Variants in FAM13C observed in about 807,000 individuals in gnomAD.
FAM13C encodes the protein protein FAM13C.
FAM13C carries 37 observed loss-of-function variants against 73.2 expected under a neutral mutation model. The ratio of observed to expected loss-of-function variants is 0.51; its 90% CI spans 0.39 to 0.67. The LOEUF (loss-of-function observed/expected upper bound fraction) is 0.67. Among genes scored for constraint, FAM13C ranks in the 30% least tolerant of loss-of-function variants. FAM13C has a pLI of 0.00. For missense variants in FAM13C, 589 were observed against 715.6 expected, an observed-to-expected ratio of 0.82 and a Z score of 2.02; for synonymous variants, 246 against 260.9, an observed-to-expected ratio of 0.94 and a Z score of 0.55.
chr10:59,260,218 A>G (rs1842363941), intron 10 of FAM13C, among the ~76,000 whole-genome samples: 1 of 151,912 alleles, frequency 6.6e-6, no homozygotes, highest in South Asian at 2.1e-4. Flanking sequence ...TCCCCTTTTC[A>G]TTCTTTTCCC....
intron 4 of FAM13C, among the ~76,000 whole-genome samples, chr10:59,306,477 A>G (rs771091683): frequency 1.3e-5 from 2 of 152,190 alleles, no homozygotes; most frequent in Non-Finnish European, 2.9e-5. Flanking sequence ...TGCCTTAAGG[A>G]GACTTAGAAT....
chr10:59,256,860 A>C (rs1841992748), intron 10 of FAM13C, among the ~76,000 whole-genome samples: 1 of 152,218 alleles, frequency 6.6e-6, no homozygotes, highest in African/African-American at 2.4e-5. Context: ...GCTAAGAATC[A>C]GATAATTTTC....
At chr10:59,352,083 C>T (rs1855116954) in intron 3 of FAM13C, among the ~76,000 whole-genome samples, 187 bp downstream of exon 3, 1 of 152,150 alleles carries the variant, frequency 6.6e-6, no homozygotes, top group South Asian at 2.1e-4. Context: ...AAATTATTAG[C>T]CGGCTCAGAG....
At chr10:59,262,381 T>A (rs1286505951) in intron 10 of FAM13C, 53 bp downstream of exon 10, 2 of 1,492,546 alleles carry the variant, frequency 1.3e-6, no homozygotes, top group East Asian at 4.5e-5. Context: ...ATGATCTCAT[T>A]AGCACTGTGT....
At chr10:59,353,163 T>C (rs1855291978) in intron 2 of FAM13C, among the ~76,000 whole-genome samples, 1 of 152,332 alleles carries the variant, frequency 6.6e-6, no homozygotes, top group Admixed American at 6.5e-5. Context: ...GTTATCTTCA[T>C]ATATTCAGGG....
At chr10:59,250,410 T>A (rs1227508601) in intron 13 of FAM13C, among the ~76,000 whole-genome samples, 1 of 152,232 alleles carries the variant, frequency 6.6e-6, no homozygotes, top group Non-Finnish European at 1.5e-5. Flanking sequence ...AAAGGTAAGT[T>A]GGACTTGTAG....
intron 5 of FAM13C, among the ~76,000 whole-genome samples, chr10:59,298,153 T>C (rs1847137929): frequency 6.6e-6 from 1 of 152,210 alleles, no homozygotes; most frequent in Non-Finnish European, 1.5e-5. Context: ...AGCTGGCATC[T>C]TAGGCCTGGA....
At position 59,246,549 on chromosome 10, in the gene FAM13C, T is replaced by A; in HGVS notation, c.*1065A>T. On this transcript the variant is annotated 3_prime_UTR_variant, in exon 14 of 14. Transcript: ENST00000618804. ...AAAATGTTGACCTTTTACTTCCTTT[T>A]ACAAAAATGAAAATAATAAACATGT... 2.5e-6 allele frequency: 1 copy of A among 395,114 alleles called. No individual in the cohort carries two copies. Among genetic ancestry groups the A allele is most frequent in the Non-Finnish European group, 4.5e-6 (1 of 223,586 alleles). 24.5% of individuals were successfully genotyped at this position (395,114 alleles called of 1,614,324 possible).
intron 13 of FAM13C, among the ~76,000 whole-genome samples, chr10:59,250,190 A>C (rs565303006): frequency 6.6e-6 from 1 of 152,342 alleles, no homozygotes; most frequent in Non-Finnish European, 1.5e-5. Context: ...CAGGAACTTT[A>C]TAGTGCAAGT....
rs892830836 is a variant in FAM13C, at chr10:59,260,910, C to T, written c.1236+1524G>A. Among the ~76,000 whole-genome samples, 14 of 152,254 alleles carry T rather than the reference C, an allele frequency of 9.2e-5. 1 individual carries two copies. In the East Asian group the frequency reaches 2.1e-3, roughly 23 times the overall value. On this transcript the variant is annotated intron_variant, in intron 10 of 13. Coordinates refer to ENST00000618804, the MANE Select transcript of FAM13C (RefSeq NM_198215.4). ...TTTTACAGATGAGGAAGTTGAATCT[C>T]AGAGAATCAGTTCACTTGCCAAGTG...
chr10:59,277,426 C>T (rs979865422), intron 6 of FAM13C, among the ~76,000 whole-genome samples: 1 of 152,104 alleles, frequency 6.6e-6, no homozygotes, highest in East Asian at 1.9e-4. Context: ...ATAGAGATCC[C>T]TTGTATACTT....
intron 5 of FAM13C, among the ~76,000 whole-genome samples, chr10:59,291,893 A>G (rs938417774): frequency 7.1e-6 from 1 of 141,120 alleles, no homozygotes; most frequent in Non-Finnish European, 1.5e-5. Context: ...GGTTCACGCC[A>G]TTCTCCTGCC....
intron 13 of FAM13C, among the ~76,000 whole-genome samples, chr10:59,249,195 G>T (rs184929033): frequency 3.2e-4 from 49 of 152,222 alleles, no homozygotes; most frequent in African/African-American, 1.1e-3. Flanking sequence ...ACAAGGTCAG[G>T]AGATTGAGAC....
intron 4 of FAM13C, among the ~76,000 whole-genome samples, chr10:59,312,923 C>T (rs894257973): frequency 5.3e-5 from 8 of 152,128 alleles, no homozygotes; most frequent in Admixed American, 4.6e-4. Context: ...TCTTCCCATG[C>T]CCCCATGTCA....
intron 10 of FAM13C, among the ~76,000 whole-genome samples, chr10:59,257,725 A>T (rs1023717880): frequency 6.6e-6 from 1 of 152,230 alleles, no homozygotes; most frequent in Non-Finnish European, 1.5e-5. Context: ...GGATATTATC[A>T]TAGAAAGCAA....
intron 6 of FAM13C, among the ~76,000 whole-genome samples, chr10:59,279,128 C>T (rs1021814271): frequency 6.6e-6 from 1 of 152,212 alleles, no homozygotes; most frequent in Non-Finnish European, 1.5e-5. Context: ...TATTACTGAA[C>T]CTTCTTGCAC....
chr10:59,255,427 TTGTC>T (rs113275717), intron 10 of FAM13C, among the ~76,000 whole-genome samples: 3,146 of 152,222 alleles, frequency 0.021, 116 homozygotes, highest in African/African-American at 0.072. Context: ...ATCCATCTAT[TTGTC>T]TGTCTATGTA....
At chr10:59,285,591 G>C (rs963351252) in intron 5 of FAM13C, among the ~76,000 whole-genome samples, 22 of 152,194 alleles carry the variant, frequency 1.4e-4, no homozygotes, top group Non-Finnish European at 2.8e-4. Context: ...TTTCATTGCT[G>C]CATATCTAGC....
chr10:59,296,612 C>T (rs1199231848), intron 5 of FAM13C, among the ~76,000 whole-genome samples: 1 of 152,126 alleles, frequency 6.6e-6, no homozygotes. Flanking sequence ...GATATTAGGT[C>T]ATTATTGAAC....
Sources: allele counts gnomAD v4.1 joint callset (sites outside exome capture counted in the v4.1 genomes callset), GRCh38; gene constraint gnomAD v4.1.1; transcripts MANE v1.5; gene names NCBI Gene and HGNC (gene_info 2026-07-23, HGNC 2026-07-21).